Variants in SIKE1 observed in about 807,000 individuals in gnomAD.
SIKE1 encodes suppressor of IKK epsilon.
SIKE1 carries 13 observed loss-of-function variants against 25.8 expected under a neutral mutation model. That is an observed-to-expected ratio of 0.50 (90% CI 0.33 to 0.80). SIKE1 has a LOEUF of 0.80. Ranked by LOEUF, SIKE1 falls within the 30% of genes least tolerant of loss-of-function variation. SIKE1 has a pLI of 0.02. For missense variants in SIKE1, 222 were observed against 252.4 expected (o/e 0.88, Z 0.82); for synonymous variants, 86 against 95.5 (o/e 0.90, Z 0.58).
chr1:114,774,138 T>A lies in SIKE1; in HGVS notation c.*133A>T. 1.7e-6 allele frequency: 1 copy of A among 601,624 alleles called. No individual in the cohort carries two copies. 37.3% of individuals were successfully genotyped at this position (601,624 alleles called of 1,614,324 possible). A position where few individuals can be genotyped will look rare whatever the true frequency, so the allele number is the denominator to read the frequency against. On this transcript the variant is annotated 3_prime_UTR_variant, in exon 5 of 5. Transcript: ENST00000060969. ...GGACAGCCAATATTGACTGGAATTCTAAATTGCCACCTGATACCTTTAATT... is the reference window on the plus strand; with the variant it reads ...GGACAGCCAATATTGACTGGAATTCAAAATTGCCACCTGATACCTTTAATT...
rs747846135 is a variant in SIKE1, at chr1:114,780,669, G to C, written c.-62C>G. On this transcript the variant is annotated 5_prime_UTR_variant, in exon 1 of 5. Transcript: ENST00000060969. ...TACGCGACTCGCTCAGATCTTCTGG[G>C]AGTCTGTCTCAGCATTACAGGCGTC... 3 of 1,437,666 alleles carry C rather than the reference G, an allele frequency of 2.1e-6. No individual in the cohort carries two copies. The highest frequency in any genetic ancestry group is 2.8e-6 in the Non-Finnish European group (3 of 1,061,428). 89.1% of individuals were successfully genotyped at this position (1,437,666 alleles called of 1,614,324 possible).
rs2101122723 is a variant in SIKE1, at chr1:114,770,696, GA to G, written c.*3574del. On this transcript the variant is annotated 3_prime_UTR_variant, in exon 5 of 5. Coordinates refer to ENST00000060969, the MANE Select transcript of SIKE1 (RefSeq NM_025073.3). ...GAGTTAGGATACTGGGCAGCCAAAA[GA>G]GAAATGACAGATGTCTGCTACAGCC... 1 of 152,340 alleles carries G rather than the reference GA, an allele frequency of 6.6e-6. No individual in the cohort carries two copies. The highest frequency in any genetic ancestry group is 2.4e-5 in the African/African-American group (1 of 41,578). The allele number at this position is 152,340 out of a possible 1,614,324, so 9.4% of individuals were successfully genotyped here. A position where few individuals can be genotyped will look rare whatever the true frequency, so the allele number is the denominator to read the frequency against.
In SIKE1 at chr1:114,773,214, C is replaced by G. The variant is rs1287438241; in HGVS notation, c.*1057G>C. ...CATTTGAATCTCAATGTTGCCTACA[C>G]AGCATTATGAGTGTAATAATTTTCA... is the stretch of plus-strand genomic sequence containing the variant. On this transcript the variant is annotated 3_prime_UTR_variant, in exon 5 of 5. Coordinates refer to ENST00000060969, the MANE Select transcript of SIKE1 (RefSeq NM_025073.3). 6.6e-6 allele frequency: 1 copy of G among 151,838 alleles called. No individual in the cohort carries two copies. Among genetic ancestry groups the G allele is most frequent in the African/African-American group, 2.4e-5 (1 of 41,326 alleles). The allele number at this position is 151,838 out of a possible 1,614,324, so 9.4% of individuals were successfully genotyped here.
intron 4 of SIKE1, 131 bp downstream of exon 4, chr1:114,776,212 AAGG>A (rs1477424548): frequency 4.7e-6 from 3 of 637,424 alleles, no homozygotes; most frequent in Admixed American, 2.8e-5. Context: ...AAAGGGTATG[AAGG>A]AGGAGTTTTA....
At chr1:114,777,043 T>C (rs377427149) in intron 3 of SIKE1, among the ~76,000 whole-genome samples, 15 of 152,030 alleles carry the variant, frequency 9.9e-5, no homozygotes, top group Admixed American at 2.0e-4. Context: ...TAGGTGGGAA[T>C]TGAACAATGA....
In SIKE1 at chr1:114,774,462, AT is replaced by A. The variant is rs1662158558; in HGVS notation, c.523-91del. 44 of 863,008 alleles carry A rather than the reference AT, an allele frequency of 5.1e-5. No homozygotes were observed. The South Asian group carries it at 8.1e-4, about 16-fold the overall frequency. 53.5% of individuals were successfully genotyped at this position (863,008 alleles called of 1,614,324 possible). A position where few individuals can be genotyped will look rare whatever the true frequency, so the allele number is the denominator to read the frequency against. ...TTATTTTGAGCCAGGAGCAGAAAAC[AT>A]TATTTTAATTTTAAAAAATTTATGG... On this transcript the variant is annotated intron_variant, in intron 4 of 4. Transcript: ENST00000060969.
At position 114,770,731 on chromosome 1, in the gene SIKE1, T is replaced by C. The variant is rs1662046379; in HGVS notation, c.*3540A>G. ...AGATGTCTGCTACAGCCCATTCTCT[T>C]GGCCATTCAATGTCAACACACTCCT... On this transcript the variant is annotated 3_prime_UTR_variant, in exon 5 of 5. Transcript: ENST00000060969. 4 of 152,230 alleles carry C rather than the reference T, an allele frequency of 2.6e-5. No homozygotes were observed. The highest frequency in any genetic ancestry group is 2.0e-4 in the Admixed American group (3 of 15,284). The allele number at this position is 152,230 out of a possible 1,614,324, so 9.4% of individuals were successfully genotyped here.
rs1558019514 is a variant in SIKE1, at chr1:114,773,752, AG to A, written c.*518del. 1 of 152,814 alleles carries A rather than the reference AG, an allele frequency of 6.5e-6. No individual in the cohort carries two copies. The highest frequency in any genetic ancestry group is 1.5e-5 in the Non-Finnish European group (1 of 68,048). 9.5% of individuals were successfully genotyped at this position (152,814 alleles called of 1,614,324 possible). ...CTATAAAGTGCCAATTCTTAGCACC[AG>A]AGAGACTTAAAATGTCACAGGTGAA... is the stretch of plus-strand genomic sequence containing the variant. On this transcript the variant is annotated 3_prime_UTR_variant, in exon 5 of 5. Coordinates refer to ENST00000060969, the MANE Select transcript of SIKE1 (RefSeq NM_025073.3).
chr1:114,774,483 T>G lies in SIKE1; in HGVS notation c.523-111A>C, dbSNP rs539302191. 4 of 705,200 alleles carry G rather than the reference T, an allele frequency of 5.7e-6. No homozygotes were observed. The Admixed American group carries it at 1.2e-4, about 21-fold the overall frequency. The allele number at this position is 705,200 out of a possible 1,614,324, so 43.7% of individuals were successfully genotyped here. ...AAACATTATTTTAATTTTAAAAAAT[T>G]TATGGAAACAAAAAATCCACTAGTT... On this transcript the variant is annotated intron_variant, in intron 4 of 4. Transcript: ENST00000060969.
In SIKE1 at chr1:114,780,165, GTGAGGTTTGTATTTGGACA is replaced by G; in HGVS notation, c.191_209del (p.Met64ThrfsTer36). The G allele has an allele frequency of 1.9e-6, 3 of 1,614,062 alleles. No homozygotes were observed. Among genetic ancestry groups the G allele is most frequent in the Non-Finnish European group, 2.5e-6 (3 of 1,179,966 alleles). On this transcript the variant is annotated frameshift_variant, in exon 2 of 5. Coordinates refer to ENST00000060969, the MANE Select transcript of SIKE1 (RefSeq NM_025073.3). LOFTEE classifies it high-confidence loss of function. ...GTGTGTTCTCTTGGGACAGCAGAATGTGAGGTTTGTATTTGGACATGTCCTTCATATCGGATGCATCCTC... is the reference window on the plus strand; with the variant it reads ...GTGTGTTCTCTTGGGACAGCAGAATGTGTCCTTCATATCGGATGCATCCTC...
chr1:114,770,541 T>C lies in SIKE1; in HGVS notation c.*3730A>G, dbSNP rs1355816411. Reference sequence around the variant, plus strand: ...TTCCCTCCTTCTTTGTATCACTAATTTTAAAATTGAAGGCAGATGTTTCTT... The same window carrying C: ...TTCCCTCCTTCTTTGTATCACTAATCTTAAAATTGAAGGCAGATGTTTCTT... On this transcript the variant is annotated 3_prime_UTR_variant, in exon 5 of 5. Coordinates refer to ENST00000060969, the MANE Select transcript of SIKE1 (RefSeq NM_025073.3). The C allele has an allele frequency of 6.6e-6, 1 of 152,232 alleles. No homozygotes were observed. Among genetic ancestry groups the C allele is most frequent in the East Asian group, 1.9e-4 (1 of 5,198 alleles). The allele number at this position is 152,232 out of a possible 1,614,324, so 9.4% of individuals were successfully genotyped here. A position where few individuals can be genotyped will look rare whatever the true frequency, so the allele number is the denominator to read the frequency against.
At chr1:114,779,043 G>C in intron 3 of SIKE1, 99 bp downstream of exon 3, 1 of 1,440,960 alleles carries the variant, frequency 6.9e-7, no homozygotes, top group Non-Finnish European at 9.6e-7. Flanking sequence ...GTCGACAAGA[G>C]CCAGACCCTA....
intron 1 of SIKE1, 40 bp downstream of exon 1, chr1:114,780,409 C>A: frequency 6.2e-7 from 1 of 1,610,194 alleles, no homozygotes; most frequent in South Asian, 1.1e-5. Flanking sequence ...CCTTCAGTGC[C>A]CAGAATCCGA....
In SIKE1 at chr1:114,772,582, G is replaced by A. The variant is rs1055282051; in HGVS notation, c.*1689C>T. On this transcript the variant is annotated 3_prime_UTR_variant, in exon 5 of 5. Transcript: ENST00000060969. ...ATAAAGGGACACCATATTATACCTT[G>A]ATTTGATTACTTCATCATTTTCACT... The A allele has an allele frequency of 6.6e-6, 1 of 152,098 alleles. No individual in the cohort carries two copies. The highest frequency in any genetic ancestry group is 6.5e-5 in the Admixed American group (1 of 15,268). The allele number at this position is 152,098 out of a possible 1,614,324, so 9.4% of individuals were successfully genotyped here. A position where few individuals can be genotyped will look rare whatever the true frequency, so the allele number is the denominator to read the frequency against.
In SIKE1 at chr1:114,780,334, C is replaced by T. The variant is rs1410939891; in HGVS notation, c.159+115G>A. ...CAGCCCCGACCCAGGAAAATGGTCT[C>T]ACCGCCGCCCTCTGAGACCGGGAAT... On this transcript the variant is annotated intron_variant, in intron 1 of 4. Coordinates refer to ENST00000060969, the MANE Select transcript of SIKE1 (RefSeq NM_025073.3). 3.8e-6 allele frequency: 6 copies of T among 1,595,868 alleles called. No homozygotes were observed. In the African/African-American group the frequency reaches 8.0e-5, roughly 21 times the overall value.
chr1:114,780,492 C>G lies in SIKE1; in HGVS notation c.116G>C (p.Arg39Pro). Residue 39 changes from arginine (R) to proline (P), a missense_variant, in exon 1 of 5, where the codon CGG becomes CCG. By Grantham distance (103) the Arg-to-Pro change is moderately radical. Coordinates refer to ENST00000060969, the MANE Select transcript of SIKE1 (RefSeq NM_025073.3). ...CCCCGCCTCCCGCATAGCTGCTACC[C>G]GCCGGTGCAGCGCCGCCGACTGATC... ...LVDQSAALHR[R>P]VAAMREAGTA... 1 of 1,613,456 alleles carries G rather than the reference C, an allele frequency of 6.2e-7. No homozygotes were observed. Among genetic ancestry groups the G allele is most frequent in the Non-Finnish European group, 8.5e-7 (1 of 1,180,036 alleles).
rs1241192635 is a variant in SIKE1, at chr1:114,771,530, A to C, written c.*2741T>G. ...ATGAGGTACAGTTAAAATGGAGTTT[A>C]TATAATACAGTACCTGACAGGTAGT... On this transcript the variant is annotated 3_prime_UTR_variant, in exon 5 of 5. Transcript: ENST00000060969. 1 of 152,190 alleles carries C rather than the reference A, an allele frequency of 6.6e-6. No individual in the cohort carries two copies. The highest frequency in any genetic ancestry group is 1.5e-5 in the Non-Finnish European group (1 of 68,038). 9.4% of individuals were successfully genotyped at this position (152,190 alleles called of 1,614,324 possible). A position where few individuals can be genotyped will look rare whatever the true frequency, so the allele number is the denominator to read the frequency against.
intron 1 of SIKE1, 99 bp downstream of exon 1, chr1:114,780,347 TGAG>T: frequency 6.2e-7 from 1 of 1,603,504 alleles, no homozygotes; most frequent in Non-Finnish European, 8.5e-7. Flanking sequence ...CGCCGCCCTC[TGAG>T]ACCGGGAATA....
chr1:114,774,871 C>T (rs1238339054), intron 4 of SIKE1, among the ~76,000 whole-genome samples: 2 of 152,140 alleles, frequency 1.3e-5, no homozygotes, highest in African/African-American at 2.4e-5. Context: ...TATGTTATCT[C>T]ACAATAATCT....
Sources: allele counts gnomAD v4.1 joint callset (sites outside exome capture counted in the v4.1 genomes callset), GRCh38; gene constraint gnomAD v4.1.1; transcripts MANE v1.5; gene names NCBI Gene and HGNC (gene_info 2026-07-23, HGNC 2026-07-21).